CDYL2: variants seen among roughly 807,000 people sequenced by gnomAD.
CDYL2 encodes chromodomain Y like 2.
Under a neutral mutation model 49.4 loss-of-function variants are expected in CDYL2, and 23 were observed. The observed-to-expected ratio is 0.47, with a 90% CI of 0.34 to 0.66. The LOEUF (loss-of-function observed/expected upper bound fraction) is 0.66. CDYL2 is among the 30% of genes least tolerant of loss of function. The probability of loss-of-function intolerance (pLI) is 0.01; values close to 1 mark genes in which losing one functional copy is unlikely to be tolerated. For missense variants in CDYL2, 678 were observed against 656.4 expected, an observed-to-expected ratio of 1.03 and a Z score of -0.36; for synonymous variants, 360 against 268.8, an observed-to-expected ratio of 1.34 and a Z score of -3.32.
intron 2 of CDYL2, among the ~76,000 whole-genome samples, chr16:80,663,612 G>C (rs1330610575): frequency 6.6e-6 from 1 of 151,508 alleles, no homozygotes; most frequent in African/African-American, 2.4e-5. Context: ...TTTCTTTTGA[G>C]ACAGAGTTTC....
At chr16:80,728,702 G>C (rs1050198168) in intron 1 of CDYL2, among the ~76,000 whole-genome samples, 5 of 152,142 alleles carry the variant, frequency 3.3e-5, no homozygotes, top group Admixed American at 6.5e-5. Context: ...AGAGAGAAAG[G>C]TCGGGTTACC....
intron 1 of CDYL2, among the ~76,000 whole-genome samples, chr16:80,691,223 A>T (rs1305227122): frequency 6.6e-6 from 1 of 152,140 alleles, no homozygotes; most frequent in Non-Finnish European, 1.5e-5. Flanking sequence ...ATCCTGAGAC[A>T]ACTCCCTTGG....
intron 2 of CDYL2, among the ~76,000 whole-genome samples, chr16:80,654,594 T>C (rs545563588): frequency 6.6e-6 from 1 of 152,248 alleles, no homozygotes; most frequent in South Asian, 2.1e-4. Context: ...TGGGTCCACC[T>C]CCGGGTGGGC....
At chr16:80,670,377 T>G (rs948100092) in intron 2 of CDYL2, among the ~76,000 whole-genome samples, 3 of 152,190 alleles carry the variant, frequency 2.0e-5, no homozygotes, top group Non-Finnish European at 4.4e-5. Context: ...TTCCCCCGGT[T>G]GCTCAGCACT....
chr16:80,618,058 C>A (rs1444153906), intron 4 of CDYL2, among the ~76,000 whole-genome samples: 1 of 152,234 alleles, frequency 6.6e-6, no homozygotes, highest in Non-Finnish European at 1.5e-5. Flanking sequence ...CAGGGGACAT[C>A]TCCTTTCCCA....
At chr16:80,799,299 G>A (rs1341920271) in intron 1 of CDYL2, among the ~76,000 whole-genome samples, 1 of 151,986 alleles carries the variant, frequency 6.6e-6, no homozygotes, top group African/African-American at 2.4e-5. Context: ...TTCAAAAACA[G>A]AAAAGATAAT....
At position 80,601,296 on chromosome 16, in the gene CDYL2, T is replaced by TG. The variant is rs1472404225; in HGVS notation, c.*3091dup. 20 of 152,374 alleles carry TG rather than the reference T, an allele frequency of 1.3e-4. No individual in the cohort carries two copies. The highest frequency in any genetic ancestry group is 4.8e-4 in the African/African-American group (20 of 41,582). 9.4% of individuals were successfully genotyped at this position (152,374 alleles called of 1,614,324 possible). On this transcript the variant is annotated 3_prime_UTR_variant, in exon 7 of 7. Coordinates refer to ENST00000570137, the MANE Select transcript of CDYL2 (RefSeq NM_152342.4). ...GAGAGGGAAGGAGAGTTCCACTGCATGGCTAACAGGATGGGAGGGAGTGGA... is the reference window on the plus strand; with the variant it reads ...GAGAGGGAAGGAGAGTTCCACTGCATGGGCTAACAGGATGGGAGGGAGTGGA...
chr16:80,781,631 G>A (rs7200350), intron 1 of CDYL2, among the ~76,000 whole-genome samples: 3,066 of 152,104 alleles, frequency 0.02, 100 homozygotes, highest in African/African-American at 0.071. Context: ...ACTACATGTT[G>A]GGCCACAAGA....
intron 2 of CDYL2, among the ~76,000 whole-genome samples, chr16:80,633,936 C>A (rs546805994): frequency 6.6e-6 from 1 of 152,188 alleles, no homozygotes; most frequent in Non-Finnish European, 1.5e-5. Context: ...TTCCCAGTCT[C>A]CAGCCTCACA....
In CDYL2 at chr16:80,684,581, A is replaced by G; in HGVS notation, c.573T>C (p.Gly191=). The G allele has an allele frequency of 5.0e-6, 8 of 1,614,034 alleles. No individual in the cohort carries two copies. Among genetic ancestry groups the G allele is most frequent in the Non-Finnish European group, 6.8e-6 (8 of 1,179,992 alleles). ...GTGTAGCGTGATTCACGTCACATTCACCCATATCTTGCTCTCCAACATGAT... is the reference window on the plus strand; with the variant it reads ...GTGTAGCGTGATTCACGTCACATTCGCCCATATCTTGCTCTCCAACATGAT... ...LNDHVGEQDM[G]ECDVNHATLA... The change falls in exon 2 of 7, where the codon GGT becomes GGC. Residue 191 remains glycine, a synonymous_variant. Coordinates refer to ENST00000570137, the MANE Select transcript of CDYL2 (RefSeq NM_152342.4).
intron 1 of CDYL2, among the ~76,000 whole-genome samples, chr16:80,690,037 C>T (rs375452327): frequency 6.6e-6 from 1 of 151,832 alleles, no homozygotes; most frequent in African/African-American, 2.4e-5. Context: ...AGGAGAATCA[C>T]TTGAACCCAG....
At chr16:80,801,241 A>ATGAGAAC (rs1443109401) in intron 1 of CDYL2, among the ~76,000 whole-genome samples, 1 of 152,244 alleles carries the variant, frequency 6.6e-6, no homozygotes, top group East Asian at 1.9e-4. Context: ...CCAGAAGATG[A>ATGAGAAC]TGAGAACTCC....
At chr16:80,674,984 G>C (rs765446862) in intron 2 of CDYL2, among the ~76,000 whole-genome samples, 5 of 152,208 alleles carry the variant, frequency 3.3e-5, no homozygotes, top group African/African-American at 1.2e-4. Context: ...ATGTGAATAT[G>C]TGCATGTGTA....
At chr16:80,731,041 A>G (rs927481490) in intron 1 of CDYL2, among the ~76,000 whole-genome samples, 1 of 152,190 alleles carries the variant, frequency 6.6e-6, no homozygotes, top group African/African-American at 2.4e-5. Flanking sequence ...AGAGGTGACA[A>G]CTTCCCAGGT....
chr16:80,753,527 G>C (rs924539535), intron 1 of CDYL2, among the ~76,000 whole-genome samples: 4 of 152,114 alleles, frequency 2.6e-5, no homozygotes, highest in African/African-American at 9.7e-5. Context: ...AGAATCACTT[G>C]AACTGGGGAG....
At chr16:80,628,954 G>C (rs564938563) in intron 3 of CDYL2, among the ~76,000 whole-genome samples, 2 of 152,302 alleles carry the variant, frequency 1.3e-5, no homozygotes, top group South Asian at 4.1e-4. Flanking sequence ...GGAAGAGCAA[G>C]AGTGAGTGAA....
At chr16:80,707,044 G>A (rs1416102031) in intron 1 of CDYL2, among the ~76,000 whole-genome samples, 2 of 152,074 alleles carry the variant, frequency 1.3e-5, no homozygotes, top group African/African-American at 4.8e-5. Flanking sequence ...AGAGCATGGG[G>A]GTGCAGTGAA....
intron 1 of CDYL2, among the ~76,000 whole-genome samples, chr16:80,803,531 G>A (rs1045101770): frequency 2.0e-5 from 3 of 151,936 alleles, no homozygotes; most frequent in African/African-American, 7.2e-5. Flanking sequence ...GCAGGTGGGG[G>A]GTGAGGGAGG....
chr16:80,649,805 A>G (rs570403464), intron 2 of CDYL2, among the ~76,000 whole-genome samples: 2 of 152,212 alleles, frequency 1.3e-5, no homozygotes, highest in Admixed American at 6.5e-5. Context: ...ACCCAGAAAC[A>G]AATCCACACA....
Sources: gnomAD v4.1 joint callset for allele counts (sites outside exome capture counted in the v4.1 genomes callset) on GRCh38, gnomAD v4.1.1 for gene constraint, MANE v1.5 for transcripts, NCBI Gene and HGNC (gene_info 2026-07-23, HGNC 2026-07-21) for gene names.